The following FOXO1 variants were observed in gnomAD, a reference collection of about 807,000 sequenced individuals.
FOXO1 encodes forkhead box protein O1.
A neutral mutation model predicts 44.1 loss-of-function variants in FOXO1; 6 were observed. The ratio of observed to expected loss-of-function variants is 0.14; its 90% CI spans 0.07 to 0.27. The LOEUF (loss-of-function observed/expected upper bound fraction) is 0.27, where lower values mean the gene tolerates loss of function less well. Among genes scored for constraint, FOXO1 ranks in the 10% least tolerant of loss-of-function variants. The pLI is 1.00. For synonymous variants in FOXO1, 380 were observed against 362.7 expected (o/e 1.05, Z -0.54); for missense variants, 737 against 888.8 (o/e 0.83, Z 2.17).
chr13:40,619,815 T>C (rs2137900728), intron 1 of FOXO1: 1 of 771,786 alleles, frequency 1.3e-6, no homozygotes, highest in African/African-American at 1.7e-5. Context: ...ATTTCAGTAG[T>C]CACACAAACC....
intron 1 of FOXO1, among the ~76,000 whole-genome samples, chr13:40,643,842 T>C (rs764773912): frequency 2.0e-5 from 3 of 152,212 alleles, no homozygotes; most frequent in Non-Finnish European, 4.4e-5. Context: ...ACACAGCTCC[T>C]TCCTTTGAGC....
intron 1 of FOXO1, among the ~76,000 whole-genome samples, chr13:40,601,087 C>T (rs2137879322): frequency 6.6e-6 from 1 of 152,284 alleles, no homozygotes; most frequent in Middle Eastern, 3.4e-3. Flanking sequence ...TGCCCCCCAC[C>T]ACCCGTTTTC....
intron 1 of FOXO1, among the ~76,000 whole-genome samples, chr13:40,654,794 G>A (rs1877805552): frequency 6.6e-6 from 1 of 152,016 alleles, no homozygotes; most frequent in Non-Finnish European, 1.5e-5. Flanking sequence ...CCTCTGAGAA[G>A]GCAGAGGTCT....
chr13:40,618,087 T>C (rs1876487241), intron 1 of FOXO1, among the ~76,000 whole-genome samples: 1 of 152,210 alleles, frequency 6.6e-6, no homozygotes, highest in African/African-American at 2.4e-5. Context: ...CTTTTTATTT[T>C]TTTTTGGTGA....
chr13:40,575,490 T>C (rs1423768014), intron 1 of FOXO1, among the ~76,000 whole-genome samples: 2 of 152,190 alleles, frequency 1.3e-5, no homozygotes, highest in African/African-American at 4.8e-5. Flanking sequence ...TTATTTTTAT[T>C]GGGAATACAA....
chr13:40,579,752 A>C (rs1874890260), intron 1 of FOXO1, among the ~76,000 whole-genome samples: 1 of 152,204 alleles, frequency 6.6e-6, no homozygotes, highest in African/African-American at 2.4e-5. Context: ...GGTCACCACA[A>C]TAGAGCTTGG....
chr13:40,655,284 A>G (rs1012794125), intron 1 of FOXO1, among the ~76,000 whole-genome samples: 3 of 147,876 alleles, frequency 2.0e-5, no homozygotes, highest in African/African-American at 7.5e-5. Flanking sequence ...TGGGAGGCAG[A>G]GGTTGCAGTG....
chr13:40,568,318 T>A (rs995500116), intron 1 of FOXO1, among the ~76,000 whole-genome samples: 2 of 152,250 alleles, frequency 1.3e-5, no homozygotes, highest in Non-Finnish European at 2.9e-5. Flanking sequence ...CTAATTTCTG[T>A]GAACTTTCTC....
At chr13:40,660,340 C>G (rs1403242037) in intron 1 of FOXO1, among the ~76,000 whole-genome samples, 1 of 152,206 alleles carries the variant, frequency 6.6e-6, no homozygotes, top group African/African-American at 2.4e-5. Context: ...CCCAAAGCTA[C>G]AGCACATATA....
chr13:40,574,720 G>A (rs1874678168), intron 1 of FOXO1, among the ~76,000 whole-genome samples: 1 of 152,046 alleles, frequency 6.6e-6, no homozygotes, highest in Non-Finnish European at 1.5e-5. Context: ...AACTAATTTA[G>A]CTAAATTCTG....
At chr13:40,565,090 T>G (rs761258562) in intron 1 of FOXO1, among the ~76,000 whole-genome samples, 1 of 150,222 alleles carries the variant, frequency 6.7e-6, no homozygotes, top group Non-Finnish European at 1.5e-5. Context: ...ATTTCTAATA[T>G]CATAGCCTCA....
chr13:40,608,949 A>G (rs2137888356), intron 1 of FOXO1, among the ~76,000 whole-genome samples: 1 of 152,346 alleles, frequency 6.6e-6, no homozygotes. Flanking sequence ...CACTGCAGGT[A>G]CTAAAGATTT....
At chr13:40,559,435 C>T (rs1412543723) in intron 2 of FOXO1, 74 bp downstream of exon 2, 39 of 1,353,986 alleles carry the variant, frequency 2.9e-5, no homozygotes, top group Non-Finnish European at 3.7e-5. Flanking sequence ...ATGTGCTAAC[C>T]ATGGCAAGTT....
At chr13:40,660,908 C>T (rs1285853655) in intron 1 of FOXO1, among the ~76,000 whole-genome samples, 2 of 151,956 alleles carry the variant, frequency 1.3e-5, no homozygotes, top group Non-Finnish European at 2.9e-5. Context: ...CAAGCCACTA[C>T]ACTCCAGCCT....
chr13:40,599,050 T>C (rs540197496), intron 1 of FOXO1, among the ~76,000 whole-genome samples: 27 of 152,116 alleles, frequency 1.8e-4, no homozygotes, highest in African/African-American at 6.5e-4. Context: ...GAAGGGAGAA[T>C]TGCTTATTCC....
intron 1 of FOXO1, among the ~76,000 whole-genome samples, chr13:40,616,553 T>C (rs914729448): frequency 3.3e-5 from 5 of 152,052 alleles, no homozygotes; most frequent in Admixed American, 1.3e-4. Context: ...TGGAGAAGAA[T>C]GAGAAGCCCA....
Position 40,585,512 on chromosome 13 carries a change from T to C in FOXO1, c.631-24652A>G, listed in dbSNP as rs183359579. Among the ~76,000 whole-genome samples the C allele has an allele frequency of 1.4e-3, 218 of 152,358 alleles. 1 individual carries two copies. Among genetic ancestry groups the C allele is most frequent in the African/African-American group, 5.1e-3 (212 of 41,588 alleles). On this transcript the variant is annotated intron_variant, in intron 1 of 2. Transcript: ENST00000379561. ...ACACCAGCTTCAGCTGTTCCAGCTC[T>C]GCAGAGAAAGGGTAATCACTTCTTA...
intron 1 of FOXO1, among the ~76,000 whole-genome samples, chr13:40,572,468 A>G (rs1874570055): frequency 6.6e-6 from 1 of 152,210 alleles, no homozygotes; most frequent in Non-Finnish European, 1.5e-5. Flanking sequence ...AAACTGCAAT[A>G]AAGTGTAACA....
intron 1 of FOXO1, among the ~76,000 whole-genome samples, chr13:40,584,094 T>C (rs1875056922): frequency 6.6e-6 from 1 of 152,096 alleles, no homozygotes; most frequent in Non-Finnish European, 1.5e-5. Context: ...AGATGGGGAA[T>C]GGCAGGTTGG....
Sources: gnomAD v4.1 joint callset for allele counts (sites outside exome capture counted in the v4.1 genomes callset) on GRCh38, gnomAD v4.1.1 for gene constraint, MANE v1.5 for transcripts, NCBI Gene and HGNC (gene_info 2026-07-23, HGNC 2026-07-21) for gene names.